RGSL1: variants seen among roughly 807,000 people sequenced by gnomAD.
The protein encoded by RGSL1 is regulator of G protein signaling protein-like.
In RGSL1, 97 loss-of-function variants were observed where a neutral mutation model predicts 124.7. The observed-to-expected ratio is 0.78, with a 90% CI of 0.66 to 0.92. RGSL1 has a LOEUF of 0.92. Among genes scored for constraint, RGSL1 ranks in the 40% least tolerant of loss-of-function variants. RGSL1 has a pLI of 0.00. For synonymous variants in RGSL1, 424 were observed against 438.1 expected (o/e 0.97, Z 0.40); for missense variants, 1,233 against 1,288.4 (o/e 0.96, Z 0.66).
At chr1:182,458,684 G>A (rs146422513) in intron 3 of RGSL1, among the ~76,000 whole-genome samples, 76 of 152,140 alleles carry the variant, frequency 5.0e-4, no homozygotes, top group Middle Eastern at 3.4e-3. Flanking sequence ...TGTTGCCCAG[G>A]CTGGTCTTGA....
chr1:182,474,402 A>G lies in RGSL1; in HGVS notation c.1291A>G (p.Arg431Gly). The change falls in exon 6 of 22, where the codon AGA (arginine) becomes GGA (glycine). Residue 431 changes from arginine (R) to glycine (G), a missense_variant. Physicochemically the swap from Arg to Gly is moderately radical, Grantham distance 125. Coordinates refer to ENST00000294854, the MANE Select transcript of RGSL1 (RefSeq NM_001137669.2). ...AATCTTTCGTCACTTGCTGGGTGAC[A>G]GAATCTGCGAGCTCTACCTGAATGA... ...NAIFRHLLGD[R>G]ICELYLNEQI... 6 of 1,552,054 alleles carry G rather than the reference A, an allele frequency of 3.9e-6. No homozygotes were observed. Among genetic ancestry groups the G allele is most frequent in the Non-Finnish European group, 5.2e-6 (6 of 1,147,042 alleles).
At chr1:182,456,921 C>T (rs1652380391) in intron 2 of RGSL1, among the ~76,000 whole-genome samples, 1 of 152,084 alleles carries the variant, frequency 6.6e-6, no homozygotes, top group African/African-American at 2.4e-5. Context: ...GCGAGGCAGG[C>T]AGATCACTTG....
chr1:182,527,497 G>T, intron 10 of RGSL1, 82 bp from the exon 11 acceptor site: 2 of 1,200,050 alleles, frequency 1.7e-6, no homozygotes, highest in Non-Finnish European at 2.3e-6. Context: ...CCTGGTCAAT[G>T]CACTTCCCCA....
intron 4 of RGSL1, among the ~76,000 whole-genome samples, chr1:182,468,651 T>C (rs1653553589): frequency 6.6e-6 from 1 of 152,154 alleles, no homozygotes; most frequent in Non-Finnish European, 1.5e-5. Flanking sequence ...TTAGGAGATC[T>C]ACCTAATGTT....
In RGSL1 at chr1:182,454,447, G is replaced by A. The variant is rs376550116; in HGVS notation, c.96+407G>A. ...ATACCTTTCCCATAGTTCCACCTAC[G>A]AAAATCTTAAATACTCTTCAAATCT... On this transcript the variant is annotated intron_variant, in intron 2 of 21. Coordinates refer to ENST00000294854, the MANE Select transcript of RGSL1 (RefSeq NM_001137669.2). Among the ~76,000 whole-genome samples the A allele has an allele frequency of 2.3e-4, 35 of 152,208 alleles. 1 individual carries two copies. The highest frequency in any genetic ancestry group is 1.2e-3 in the South Asian group (6 of 4,830).
intron 21 of RGSL1, among the ~76,000 whole-genome samples, chr1:182,557,225 A>G (rs1428865040): frequency 6.6e-6 from 1 of 152,238 alleles, no homozygotes; most frequent in Admixed American, 6.5e-5. Flanking sequence ...ACAAAAGGGC[A>G]TGAGTCTTCC....
chr1:182,542,270 C>G (rs997362322), intron 15 of RGSL1, among the ~76,000 whole-genome samples: 1 of 152,144 alleles, frequency 6.6e-6, no homozygotes, highest in Non-Finnish European at 1.5e-5. Context: ...TGGTTTCATT[C>G]TGCTGCATAT....
At chr1:182,490,898 CA>C (rs1256101996) in intron 8 of RGSL1, among the ~76,000 whole-genome samples, 1 of 149,454 alleles carries the variant, frequency 6.7e-6, no homozygotes, top group Non-Finnish European at 1.5e-5. Flanking sequence ...CACAGAGTAC[CA>C]GAGCTAGAAC....
chr1:182,469,241 A>G (rs1653614820), intron 4 of RGSL1, among the ~76,000 whole-genome samples: 1 of 152,182 alleles, frequency 6.6e-6, no homozygotes, highest in African/African-American at 2.4e-5. Flanking sequence ...AGAATGGAAG[A>G]AAATACTTCA....
At chr1:182,481,463 A>C (rs1654701224) in intron 6 of RGSL1, among the ~76,000 whole-genome samples, 1 of 152,222 alleles carries the variant, frequency 6.6e-6, no homozygotes, top group Admixed American at 6.5e-5. Flanking sequence ...ACTTCCCAAA[A>C]GAGAAAAACC....
intron 9 of RGSL1, among the ~76,000 whole-genome samples, chr1:182,501,002 C>T (rs266498): frequency 0.59 from 89,512 of 151,890 alleles, 27,264 homozygotes; most frequent in Non-Finnish European, 0.67. Flanking sequence ...TGCATAAGTG[C>T]TCTGGCTAGA....
chr1:182,484,972 TTC>T, intron 6 of RGSL1, among the ~76,000 whole-genome samples: 1 of 152,228 alleles, frequency 6.6e-6, no homozygotes, highest in African/African-American at 2.4e-5. Flanking sequence ...GTAATACCAT[TTC>T]CAAGATGGTA....
Position 182,540,234 on chromosome 1 carries a change from CT to C in RGSL1, c.2495-10del, listed in dbSNP as rs747099794. On this transcript the variant is annotated splice_polypyrimidine_tract_variant and intron_variant, in intron 14 of 21. Coordinates refer to ENST00000294854, the MANE Select transcript of RGSL1 (RefSeq NM_001137669.2). ...TCAAACAAAATTGTAATTCCTTCTT[CT>C]TTCTCTCTCAGATTTCACCACAGCA... 4 of 1,529,076 alleles carry C rather than the reference CT, an allele frequency of 2.6e-6. No homozygotes were observed. In the African/African-American group the frequency reaches 5.6e-5, roughly 21 times the overall value. 94.7% of individuals were successfully genotyped at this position (1,529,076 alleles called of 1,614,324 possible). A position where few individuals can be genotyped will look rare whatever the true frequency, so the allele number is the denominator to read the frequency against.
intron 9 of RGSL1, among the ~76,000 whole-genome samples, chr1:182,499,264 A>G (rs1046167658): frequency 1.3e-5 from 2 of 152,182 alleles, no homozygotes; most frequent in African/African-American, 2.4e-5. Context: ...TAATACCATC[A>G]GTGGGGTGTT....
chr1:182,454,074 A>G (rs775912010), intron 2 of RGSL1, 34 bp downstream of exon 2: 50 of 1,244,480 alleles, frequency 4.0e-5, no homozygotes, highest in Non-Finnish European at 5.3e-5. Flanking sequence ...CAAATATTTC[A>G]TCAGCAGCTG....
chr1:182,536,573 G>A (rs1261163835), intron 14 of RGSL1, among the ~76,000 whole-genome samples: 1 of 152,116 alleles, frequency 6.6e-6, no homozygotes, highest in Non-Finnish European at 1.5e-5. Context: ...GTGTTCATGT[G>A]CTTGCTTGAC....
intron 1 of RGSL1, among the ~76,000 whole-genome samples, chr1:182,450,874 C>T (rs1318518531): frequency 2.0e-5 from 3 of 152,088 alleles, no homozygotes; most frequent in Non-Finnish European, 2.9e-5. Context: ...TGGCTGGGAG[C>T]GTTGGCTCAC....
rs1220271301 is a variant in RGSL1 at position 182,548,411 on chromosome 1, A to T, written c.2764A>T (p.Ile922Phe). 1 of 1,551,838 alleles carries T rather than the reference A, an allele frequency of 6.4e-7. No individual in the cohort carries two copies. The highest frequency in any genetic ancestry group is 1.2e-5 in the South Asian group (1 of 84,064). Residue 922 changes from isoleucine to phenylalanine, a missense_variant, in exon 16 of 22, where the codon ATC becomes TTC. Ile to Phe is a conservative substitution (Grantham distance 21). Transcript: ENST00000294854. ...VILMRSKMNI[I>F]QKLFLNSDIP... ...CCTAATGCGGTCCAAAATGAACATT[A>T]TCCAAAAACTCTTCCTGAATTCTGA... is the stretch of plus-strand genomic sequence containing the variant.
In RGSL1 at chr1:182,548,391, T is replaced by C; in HGVS notation, c.2744T>C (p.Met915Thr). Reference sequence around the variant, plus strand: ...TATAATGAGAATGATGTGATCCTAATGCGGTCCAAAATGAACATTATCCAA... The same window carrying C: ...TATAATGAGAATGATGTGATCCTAACGCGGTCCAAAATGAACATTATCCAA... ...RAYNENDVIL[M>T]RSKMNIIQKL... Residue 915 changes from methionine to threonine, a missense_variant, in exon 16 of 22, where the codon ATG (methionine) becomes ACG (threonine). Physicochemically the swap from Met to Thr is moderately conservative, Grantham distance 81 (BLOSUM62 -1). Coordinates refer to ENST00000294854, the MANE Select transcript of RGSL1 (RefSeq NM_001137669.2). 1.9e-6 allele frequency: 3 copies of C among 1,551,906 alleles called. No individual in the cohort carries two copies. The highest frequency in any genetic ancestry group is 2.6e-6 in the Non-Finnish European group (3 of 1,147,024).
Sources: allele counts gnomAD v4.1 joint callset (sites outside exome capture counted in the v4.1 genomes callset), GRCh38; gene constraint gnomAD v4.1.1; transcripts MANE v1.5; gene names NCBI Gene and HGNC (gene_info 2026-07-23, HGNC 2026-07-21).